The following RC3H2 variants were observed in gnomAD, a reference collection of about 807,000 sequenced individuals.
The protein encoded by RC3H2 is ring finger and CCCH-type domains 2.
RC3H2 carries 31 observed loss-of-function variants against 133.3 expected under a neutral mutation model. That is an observed-to-expected ratio of 0.23 (90% CI 0.17 to 0.31). RC3H2 has a LOEUF of 0.31. Among genes scored for constraint, RC3H2 ranks in the 10% least tolerant of loss-of-function variants. The pLI, the probability that RC3H2 is intolerant of heterozygous loss-of-function variation, is 1.00. For missense variants in RC3H2, 1,175 were observed against 1,437.2 expected (o/e 0.82, Z 2.95); for synonymous variants, 517 against 502.2 (o/e 1.03, Z -0.40).
At position 122,878,517 on chromosome 9, in the gene RC3H2, G is replaced by A. The variant is rs148921429; in HGVS notation, c.1213-934C>T. ...GATCTCCTGACCTTGTGATCCGCCC[G>A]CCTCAGCCTCCCAAAGTGCTGGGAT... On this transcript the variant is annotated intron_variant, in intron 8 of 20. Transcript: ENST00000357244. Among the ~76,000 whole-genome samples the A allele has an allele frequency of 1.3e-3, 204 of 151,938 alleles. 1 individual carries two copies. Among genetic ancestry groups the A allele is most frequent in the African/African-American group, 4.7e-3 (193 of 41,442 alleles).
At chr9:122,886,524 G>T (rs1376037061) in intron 4 of RC3H2, among the ~76,000 whole-genome samples, 1 of 152,076 alleles carries the variant, frequency 6.6e-6, no homozygotes, top group African/African-American at 2.4e-5. Context: ...CATTCTCCAC[G>T]TTCTCATCAA....
intron 8 of RC3H2, among the ~76,000 whole-genome samples, chr9:122,878,167 T>C (rs1414620657): frequency 6.6e-6 from 1 of 152,140 alleles, no homozygotes; most frequent in African/African-American, 2.4e-5. Flanking sequence ...AAAACATTTG[T>C]TTTTAATATT....
rs1339991979 is a variant in RC3H2, at chr9:122,865,525, T to C, written c.1458A>G (p.Thr486=). ...VISVIGSTET[T]GKIVPSTNGI... The stretch of plus-strand genomic sequence containing the variant: ...CGTTTGTACTTGGAACAATTTTCCC[T>C]GTTGTTTCAGTACTTCCTATGACAG... Residue 486 remains threonine, a synonymous_variant, in exon 10 of 21, where the codon ACA becomes ACG. Coordinates refer to ENST00000357244, the MANE Select transcript of RC3H2 (RefSeq NM_001100588.3). The C allele has an allele frequency of 6.2e-7, 1 of 1,614,222 alleles. No individual in the cohort carries two copies. The highest frequency in any genetic ancestry group is 1.3e-5 in the African/African-American group (1 of 75,060).
intron 4 of RC3H2, among the ~76,000 whole-genome samples, chr9:122,883,976 G>A (rs1564309837): frequency 6.6e-6 from 1 of 152,042 alleles, no homozygotes; most frequent in Non-Finnish European, 1.5e-5. Flanking sequence ...CTGGGTAACA[G>A]AGACCAACTC....
intron 9 of RC3H2, among the ~76,000 whole-genome samples, chr9:122,871,879 T>C (rs1426570414): frequency 2.0e-5 from 3 of 152,082 alleles, no homozygotes; most frequent in African/African-American, 7.2e-5. Flanking sequence ...TGCCCAATTA[T>C]TATTATTATT....
intron 10 of RC3H2, among the ~76,000 whole-genome samples, chr9:122,861,804 T>A (rs1830466375): frequency 6.6e-6 from 1 of 152,244 alleles, no homozygotes; most frequent in Admixed American, 6.5e-5. Flanking sequence ...AGATGTTTAC[T>A]TCTATGTGTA....
Position 122,905,227 on chromosome 9 carries a change from T to A in RC3H2, c.-185A>T. The A allele has an allele frequency of 1.0e-6, 1 of 985,442 alleles. No homozygotes were observed. The highest frequency in any genetic ancestry group is 1.2e-6 in the Non-Finnish European group (1 of 829,916). 61.0% of individuals were successfully genotyped at this position (985,442 alleles called of 1,614,324 possible). A position where few individuals can be genotyped will look rare whatever the true frequency, so the allele number is the denominator to read the frequency against. On this transcript the variant is annotated 5_prime_UTR_variant, in exon 1 of 21. Transcript: ENST00000357244. Reference sequence around the variant, plus strand: ...AGAGCTCGGCGGAGGTTTCACGACCTCAAACTCCATCGGGAGCTACAGGGA... The same window carrying A: ...AGAGCTCGGCGGAGGTTTCACGACCACAAACTCCATCGGGAGCTACAGGGA...
At chr9:122,885,585 A>G (rs1474643619) in intron 4 of RC3H2, among the ~76,000 whole-genome samples, 1 of 152,242 alleles carries the variant, frequency 6.6e-6, no homozygotes, top group Non-Finnish European at 1.5e-5. Flanking sequence ...AATAGAACCA[A>G]GGACTTTTAA....
intron 3 of RC3H2, among the ~76,000 whole-genome samples, chr9:122,891,073 G>A (rs138626010): frequency 0.018 from 2,420 of 132,756 alleles, 77 homozygotes; most frequent in African/African-American, 0.066. Flanking sequence ...AGGCTGGAGT[G>A]CAGTGGCACA....
intron 4 of RC3H2, 189 bp downstream of exon 4, chr9:122,890,123 A>G (rs1489134516): frequency 1.6e-6 from 1 of 619,226 alleles, no homozygotes; most frequent in Non-Finnish European, 2.9e-6. Flanking sequence ...CCTGGGTGAC[A>G]GAGTGAGACC....
Position 122,888,169 on chromosome 9 carries a change from A to G in RC3H2, c.583+2143T>C, listed in dbSNP as rs114811627. ...CTAAATAACAAGACCAGAATTATGA[A>G]CAATATGACAAACAAATATAATTTA... On this transcript the variant is annotated intron_variant, in intron 4 of 20. Transcript: ENST00000357244. Among the ~76,000 whole-genome samples, 1,133 of 152,330 alleles carry G rather than the reference A, an allele frequency of 7.4e-3. 13 individuals are homozygous for G. Among genetic ancestry groups the G allele is most frequent in the African/African-American group, 0.026 (1,071 of 41,564 alleles).
chr9:122,876,952 G>A (rs902691014), intron 9 of RC3H2, among the ~76,000 whole-genome samples: 2 of 152,188 alleles, frequency 1.3e-5, no homozygotes, highest in Admixed American at 6.5e-5. Context: ...AAATAAGACT[G>A]CAAGTATTTT....
intron 10 of RC3H2, among the ~76,000 whole-genome samples, chr9:122,861,654 T>A (rs1355952087): frequency 6.6e-6 from 1 of 152,208 alleles, no homozygotes; most frequent in Non-Finnish European, 1.5e-5. Context: ...ATGATCTTGT[T>A]AATTATGCAG....
intron 9 of RC3H2, among the ~76,000 whole-genome samples, chr9:122,877,216 T>C (rs1464950910): frequency 6.6e-6 from 1 of 152,160 alleles, no homozygotes; most frequent in Non-Finnish European, 1.5e-5. Flanking sequence ...ACCACAACTG[T>C]GGGCCACACA....
At position 122,855,195 on chromosome 9, in the gene RC3H2, A is replaced by C. The variant is rs1194816987; in HGVS notation, c.2804T>G (p.Ile935Ser). 1 of 1,612,908 alleles carries C rather than the reference A, an allele frequency of 6.2e-7. No homozygotes were observed. Among genetic ancestry groups the C allele is most frequent in the East Asian group, 2.2e-5 (1 of 44,870 alleles). ...TASQGSATKP[I>S]SVSDYVPYVN... is the part of the protein sequence containing the mutation. ...TCTAAATGGATTACCTGATACACTG[A>C]TGGGCTTAGTCGCACTTCCTTGGGA... The change falls in exon 15 of 21, where the codon ATC (isoleucine) becomes AGC (serine). Residue 935 changes from isoleucine to serine, a missense_variant. Transcript: ENST00000357244.
chr9:122,870,551 G>C (rs1831042225), intron 9 of RC3H2, among the ~76,000 whole-genome samples: 1 of 152,180 alleles, frequency 6.6e-6, no homozygotes, highest in African/African-American at 2.4e-5. Context: ...GTGACAAGTA[G>C]GGATATACAC....
chr9:122,902,470 T>C (rs1832693586), intron 1 of RC3H2, among the ~76,000 whole-genome samples: 1 of 152,202 alleles, frequency 6.6e-6, no homozygotes, highest in Non-Finnish European at 1.5e-5. Context: ...GTAATGCTGA[T>C]CTACAACAGT....
intron 5 of RC3H2, among the ~76,000 whole-genome samples, chr9:122,881,221 T>C (rs1219342216): frequency 6.6e-6 from 1 of 152,126 alleles, no homozygotes; most frequent in South Asian, 2.1e-4. Context: ...GGATGGTGGC[T>C]CATGCCTGTA....
Position 122,892,198 on chromosome 9 carries a change from A to G in RC3H2, c.349+711T>C, listed in dbSNP as rs189563741. Among the ~76,000 whole-genome samples, 4 of 151,928 alleles carry G rather than the reference A, an allele frequency of 2.6e-5. No homozygotes were observed. The East Asian group carries it at 7.8e-4, about 30-fold the overall frequency. On this transcript the variant is annotated intron_variant, in intron 3 of 20. Transcript: ENST00000357244. ...ACGATCACAGCTCACTGCAGCCTCAACTTCCTGGGCTCATGTGATTCTCCT... is the reference window on the plus strand; with the variant it reads ...ACGATCACAGCTCACTGCAGCCTCAGCTTCCTGGGCTCATGTGATTCTCCT...
Sources: allele counts gnomAD v4.1 joint callset (sites outside exome capture counted in the v4.1 genomes callset), GRCh38; gene constraint gnomAD v4.1.1; transcripts MANE v1.5; gene names NCBI Gene and HGNC (gene_info 2026-07-23, HGNC 2026-07-21).